PSME4: variants seen among roughly 807,000 people sequenced by gnomAD.
PSME4 encodes proteasome activator subunit 4.
Under a neutral mutation model 253.9 loss-of-function variants are expected in PSME4, and 89 were observed. The observed-to-expected ratio is 0.35, with a 90% CI of 0.30 to 0.42. The LOEUF is 0.42. Ranked by LOEUF, PSME4 falls within the 10% of genes least tolerant of loss-of-function variation. The probability of loss-of-function intolerance (pLI) is 1.00; values close to 1 mark genes in which losing one functional copy is unlikely to be tolerated. For synonymous variants in PSME4, 851 were observed against 759.2 expected (o/e 1.12, Z -1.99); for missense variants, 2,014 against 2,195.2 (o/e 0.92, Z 1.65).
intron 1 of PSME4, among the ~76,000 whole-genome samples, chr2:53,952,616 T>C (rs1486762929): frequency 6.6e-6 from 1 of 152,180 alleles, no homozygotes; most frequent in Non-Finnish European, 1.5e-5. Flanking sequence ...AGGATACTTC[T>C]GCAGAAAAAC....
In PSME4 at chr2:53,952,507, T is replaced by C. The variant is rs1474319392; in HGVS notation, c.243-3224A>G. Among the ~76,000 whole-genome samples, 4 of 152,000 alleles carry C rather than the reference T, an allele frequency of 2.6e-5. No individual in the cohort carries two copies. The South Asian group carries it at 8.3e-4, about 32-fold the overall frequency. ...CAGCTGAGCCGAGATGGTGCTAGAG[T>C]TCTCCAGCCTGGGCAACAGAGAGAG... On this transcript the variant is annotated intron_variant, in intron 1 of 46. Coordinates refer to ENST00000404125, the MANE Select transcript of PSME4 (RefSeq NM_014614.3).
At chr2:53,964,566 T>C (rs1051024501) in intron 1 of PSME4, among the ~76,000 whole-genome samples, 1 of 152,236 alleles carries the variant, frequency 6.6e-6, no homozygotes, top group Non-Finnish European at 1.5e-5. Context: ...TGGTAACTTG[T>C]CAAGATTTCA....
chr2:53,970,153 C>A (rs1166054639), intron 1 of PSME4, among the ~76,000 whole-genome samples: 1 of 152,144 alleles, frequency 6.6e-6, no homozygotes, highest in African/African-American at 2.4e-5. Context: ...AGGAACTCCC[C>A]CAAAGACAAA....
In PSME4 at chr2:53,936,132, A is replaced by G; in HGVS notation, c.789T>C (p.Ala263=). The G allele has an allele frequency of 6.2e-7, 1 of 1,613,662 alleles. No homozygotes were observed. The highest frequency in any genetic ancestry group is 8.5e-7 in the Non-Finnish European group (1 of 1,179,736). ...GQLVNLFARL[A]TDNIGYIDWD... ...AATCTATGTACCCTATATTATCTGTAGCCAATCGAGCAAAGAGATTTACTA... is the reference window on the plus strand; with the variant it reads ...AATCTATGTACCCTATATTATCTGTGGCCAATCGAGCAAAGAGATTTACTA... The change falls in exon 7 of 47, where the codon GCT becomes GCC. Residue 263 remains alanine, a synonymous_variant. Coordinates refer to ENST00000404125, the MANE Select transcript of PSME4 (RefSeq NM_014614.3).
chr2:53,923,345 T>C lies in PSME4; in HGVS notation c.1884A>G (p.Ala628=), dbSNP rs2104453316. 6.2e-7 allele frequency: 1 copy of C among 1,609,608 alleles called. No homozygotes were observed. The highest frequency in any genetic ancestry group is 8.5e-7 in the Non-Finnish European group (1 of 1,178,924). Residue 628 remains alanine (A), a synonymous_variant, in exon 15 of 47, where the codon GCA becomes GCG. Coordinates refer to ENST00000404125, the MANE Select transcript of PSME4 (RefSeq NM_014614.3). Reference sequence around the variant, plus strand: ...CCTTTACAGCAGCGCGGCACATGTCTGCCACCATGCGACCTGCTACTCTTG... The same window carrying C: ...CCTTTACAGCAGCGCGGCACATGTCCGCCACCATGCGACCTGCTACTCTTG... The part of the protein sequence containing the change: ...FETRVAGRMV[A]DMCRAAVKCC...
rs1256667708 is a variant in PSME4, at chr2:53,887,413, G to A, written c.4575C>T (p.Thr1525=). 6.2e-7 allele frequency: 1 copy of A among 1,613,900 alleles called. No homozygotes were observed. The highest frequency in any genetic ancestry group is 8.5e-7 in the Non-Finnish European group (1 of 1,179,838). ...TAAACTCAGGGACATGAGGCGATATGGTTGGTGTGGTATTTGGCAAAGATA... is the reference window on the plus strand; with the variant it reads ...TAAACTCAGGGACATGAGGCGATATAGTTGGTGTGGTATTTGGCAAAGATA... ...IDVSLPNTTP[T]ISPHVPEFTA... Residue 1525 remains threonine (T), a synonymous_variant, in exon 40 of 47, where the codon ACC becomes ACT. Transcript: ENST00000404125.
Position 53,948,481 on chromosome 2 carries a change from T to A in PSME4, c.440A>T (p.Asp147Val). ...DLELPWRPLY[D>V]MVERILYSKT... ...GGAATATAATATTCTTTCTACCATGTCATAAAGTGGTCTCCAGGGTAACTC... is the reference window on the plus strand; with the variant it reads ...GGAATATAATATTCTTTCTACCATGACATAAAGTGGTCTCCAGGGTAACTC... Residue 147 changes from aspartate to valine, a missense_variant, in exon 3 of 47, where the codon GAC becomes GTC. Asp to Val is a radical substitution (Grantham distance 152). Coordinates refer to ENST00000404125, the MANE Select transcript of PSME4 (RefSeq NM_014614.3). The A allele has an allele frequency of 6.2e-7, 1 of 1,613,830 alleles. No individual in the cohort carries two copies. The highest frequency in any genetic ancestry group is 8.5e-7 in the Non-Finnish European group (1 of 1,179,800).
At chr2:53,952,079 TAA>T (rs2104479200) in intron 1 of PSME4, among the ~76,000 whole-genome samples, 1 of 146,828 alleles carries the variant, frequency 6.8e-6, no homozygotes, top group South Asian at 2.1e-4. Flanking sequence ...ATTTTTAAGA[TAA>T]AGACAGAAGA....
chr2:53,892,804 T>A lies in PSME4; in HGVS notation c.4191+4A>T. 6.2e-7 allele frequency: 1 copy of A among 1,608,862 alleles called. No individual in the cohort carries two copies. The highest frequency in any genetic ancestry group is 8.5e-7 in the Non-Finnish European group (1 of 1,178,070). On this transcript the variant is annotated splice_donor_region_variant and intron_variant, in intron 36 of 46. Transcript: ENST00000404125. ...AATGTTCTGTACAAATATTAATACA[T>A]CACCTTTTCAAATGTCCAGTGCTTA... is the stretch of plus-strand genomic sequence containing the variant.
At chr2:53,878,373 G>A (rs560376052) in intron 41 of PSME4, among the ~76,000 whole-genome samples, 1 of 152,264 alleles carries the variant, frequency 6.6e-6, no homozygotes, top group African/African-American at 2.4e-5. Flanking sequence ...TCAGGACCCT[G>A]TGATAATTGT....
At chr2:53,907,579 T>C (rs1057459892) in intron 24 of PSME4, among the ~76,000 whole-genome samples, 4 of 152,184 alleles carry the variant, frequency 2.6e-5, no homozygotes, top group African/African-American at 9.6e-5. Flanking sequence ...GTTTAGTGAA[T>C]TGAGTGTTGA....
chr2:53,947,715 C>CA (rs1553339673), intron 3 of PSME4, among the ~76,000 whole-genome samples: 1 of 138,388 alleles, frequency 7.2e-6, no homozygotes, highest in Non-Finnish European at 1.6e-5. Flanking sequence ...CAAAACAAAA[C>CA]AAACAAAAAC....
At position 53,908,362 on chromosome 2, in the gene PSME4, T is replaced by C. The variant is rs370502837; in HGVS notation, c.2742A>G (p.Arg914=). 4 of 1,613,140 alleles carry C rather than the reference T, an allele frequency of 2.5e-6. No homozygotes were observed. The highest frequency in any genetic ancestry group is 3.4e-6 in the Non-Finnish European group (4 of 1,179,528). ...TCTTTACTAAGTTGAAGCTTTTCCA[T>C]CGGGAGTCAAATTCATGCTTGTGAG... ...QGSHKHEFDS[R]WKSFNLVKKS... The change falls in exon 24 of 47, where the codon CGA becomes CGG. Residue 914 remains arginine, a synonymous_variant. Coordinates refer to ENST00000404125, the MANE Select transcript of PSME4 (RefSeq NM_014614.3).
At chr2:53,881,351 G>C (rs2104418662) in intron 41 of PSME4, 1 of 152,292 alleles carries the variant, frequency 6.6e-6, no homozygotes, top group Admixed American at 6.5e-5. Flanking sequence ...TCTGAAGTTT[G>C]AAACTTAGGA....
At chr2:53,901,211 G>C (rs1680383733) in intron 28 of PSME4, 139 bp downstream of exon 28, 3 of 770,582 alleles carry the variant, frequency 3.9e-6, no homozygotes, top group South Asian at 3.6e-5. Context: ...AAGCAAACAG[G>C]TAACAAACGC....
At chr2:53,904,440 G>A (rs1004687111) in intron 26 of PSME4, among the ~76,000 whole-genome samples, 14 of 152,222 alleles carry the variant, frequency 9.2e-5, no homozygotes, top group African/African-American at 3.4e-4. Context: ...CAGTAACATA[G>A]CTAAAAGTAA....
At chr2:53,917,113 T>C in intron 20 of PSME4, 1 of 150,922 alleles carries the variant, frequency 6.6e-6, no homozygotes, top group Middle Eastern at 3.2e-3. Flanking sequence ...TAAATATACA[T>C]ATATTTAATA....
intron 14 of PSME4, among the ~76,000 whole-genome samples, chr2:53,923,683 G>T (rs1305003280): frequency 6.6e-6 from 1 of 152,078 alleles, no homozygotes; most frequent in Non-Finnish European, 1.5e-5. Flanking sequence ...AGCACTTTGG[G>T]AGGCTGAGGC....
intron 20 of PSME4, 101 bp downstream of exon 20, chr2:53,919,049 AG>A (rs1041245111): frequency 6.7e-5 from 77 of 1,152,012 alleles, no homozygotes; most frequent in Non-Finnish European, 9.5e-5. Context: ...AAAAGGTTAA[AG>A]TGATACAGAA....
Sources: allele counts gnomAD v4.1 joint callset (sites outside exome capture counted in the v4.1 genomes callset), GRCh38; gene constraint gnomAD v4.1.1; transcripts MANE v1.5; gene names NCBI Gene and HGNC (gene_info 2026-07-23, HGNC 2026-07-21).